Variants in GSK3B observed in about 807,000 individuals in gnomAD.
The protein encoded by GSK3B is glycogen synthase kinase-3 beta.
GSK3B carries 15 observed loss-of-function variants against 56.4 expected under a neutral mutation model. That is an observed-to-expected ratio of 0.27 (90% CI 0.18 to 0.41). The LOEUF (loss-of-function observed/expected upper bound fraction) is 0.41. Among genes scored for constraint, GSK3B ranks in the 10% least tolerant of loss-of-function variants. The pLI is 1.00. For synonymous variants in GSK3B, 181 were observed against 188.9 expected (o/e 0.96, Z 0.34); for missense variants, 300 against 513.4 (o/e 0.58, Z 4.02).
chr3:119,893,672 A>G (rs2056529404), intron 7 of GSK3B, among the ~76,000 whole-genome samples: 1 of 152,024 alleles, frequency 6.6e-6, no homozygotes, highest in South Asian at 2.1e-4. Flanking sequence ...ACTCTATTTC[A>G]TTCACTCTTT....
chr3:119,860,664 G>C (rs1420929157), intron 9 of GSK3B, among the ~76,000 whole-genome samples: 2 of 152,116 alleles, frequency 1.3e-5, no homozygotes, highest in African/African-American at 4.8e-5. Flanking sequence ...TTACTCAAGT[G>C]TTTAATCTTT....
intron 6 of GSK3B, among the ~76,000 whole-genome samples, chr3:119,908,939 G>C (rs1267526876): frequency 2.6e-5 from 4 of 152,166 alleles, no homozygotes; most frequent in East Asian, 1.9e-4. Flanking sequence ...TTCTGATTAG[G>C]GTGTTTGCTT....
chr3:119,827,863 T>C (rs969752062), intron 10 of GSK3B, among the ~76,000 whole-genome samples: 12 of 119,362 alleles, frequency 1.0e-4, no homozygotes, highest in Non-Finnish European at 1.5e-4. Context: ...GGATGGTTAA[T>C]GGGTACAAAA....
chr3:119,910,691 T>C (rs534588423), intron 6 of GSK3B, among the ~76,000 whole-genome samples: 2 of 152,312 alleles, frequency 1.3e-5, no homozygotes, highest in Admixed American at 1.3e-4. Flanking sequence ...TAGTAGGAGA[T>C]GCTCTTTGAT....
chr3:119,977,756 G>A (rs2057421095), intron 2 of GSK3B, among the ~76,000 whole-genome samples: 1 of 152,098 alleles, frequency 6.6e-6, no homozygotes. Flanking sequence ...CCAAATTTAA[G>A]AGAGTATAAA....
At chr3:119,940,374 TTTTC>T (rs942903283) in intron 3 of GSK3B, among the ~76,000 whole-genome samples, 4 of 151,950 alleles carry the variant, frequency 2.6e-5, no homozygotes, top group Non-Finnish European at 2.9e-5. Flanking sequence ...GTTCTTGGCC[TTTTC>T]TTTCTTTCTT....
intron 2 of GSK3B, among the ~76,000 whole-genome samples, chr3:119,947,607 T>C (rs1051399067): frequency 7.9e-5 from 12 of 152,214 alleles, no homozygotes; most frequent in South Asian, 6.2e-4. Context: ...AGAGAATAAA[T>C]TGATATCTAA....
At chr3:119,862,912 C>T (rs1232673878) in intron 9 of GSK3B, among the ~76,000 whole-genome samples, 1 of 152,128 alleles carries the variant, frequency 6.6e-6, no homozygotes, top group Non-Finnish European at 1.5e-5. Flanking sequence ...GTGCCAGTCT[C>T]AGAGGGGATG....
chr3:119,876,389 T>C (rs1358457488), intron 8 of GSK3B, 24 bp downstream of exon 8: 5 of 1,249,418 alleles, frequency 4.0e-6, no homozygotes, highest in African/African-American at 1.5e-5. Context: ...CTGATTAATA[T>C]ACTTAAAAAA....
At chr3:119,867,438 A>G (rs1263101647) in intron 8 of GSK3B, among the ~76,000 whole-genome samples, 1 of 152,142 alleles carries the variant, frequency 6.6e-6, no homozygotes, top group Non-Finnish European at 1.5e-5. Context: ...AATAGAGAAC[A>G]TTTTTTCCTC....
At chr3:119,981,383 C>G (rs557384931) in intron 2 of GSK3B, among the ~76,000 whole-genome samples, 2 of 152,340 alleles carry the variant, frequency 1.3e-5, no homozygotes, top group South Asian at 4.1e-4. Context: ...CAAGCTGAAG[C>G]AGGGTGGGGC....
chr3:120,031,168 T>C (rs2057972265), intron 1 of GSK3B, among the ~76,000 whole-genome samples: 3 of 152,200 alleles, frequency 2.0e-5, no homozygotes, highest in Admixed American at 1.3e-4. Context: ...TCAAAAAAGG[T>C]ATAAAATAAT....
chr3:120,008,971 T>A (rs1374736591), intron 1 of GSK3B, among the ~76,000 whole-genome samples: 1 of 152,014 alleles, frequency 6.6e-6, no homozygotes, highest in Non-Finnish European at 1.5e-5. Flanking sequence ...TACAAAGAAC[T>A]TACACAAATT....
At chr3:119,889,450 G>T (rs545085020) in intron 7 of GSK3B, among the ~76,000 whole-genome samples, 1 of 152,076 alleles carries the variant, frequency 6.6e-6, no homozygotes, top group Non-Finnish European at 1.5e-5. Flanking sequence ...ACTGTCACAC[G>T]GTTCTTGTTT....
At chr3:119,849,162 A>G (rs1205961614) in intron 9 of GSK3B, among the ~76,000 whole-genome samples, 1 of 152,192 alleles carries the variant, frequency 6.6e-6, no homozygotes, top group African/African-American at 2.4e-5. Flanking sequence ...CAGATTTACC[A>G]TTCTCAATTA....
At chr3:120,047,820 G>A (rs1335298460) in intron 1 of GSK3B, among the ~76,000 whole-genome samples, 1 of 152,188 alleles carries the variant, frequency 6.6e-6, no homozygotes, top group Non-Finnish European at 1.5e-5. Flanking sequence ...AAGGACACAT[G>A]AAAGCCTTCT....
At chr3:120,006,955 A>G (rs928930873) in intron 1 of GSK3B, among the ~76,000 whole-genome samples, 1 of 142,474 alleles carries the variant, frequency 7.0e-6, no homozygotes, top group East Asian at 2.0e-4. Flanking sequence ...AAAAACCTTC[A>G]AAAAAAAAAA....
At chr3:119,911,519 C>T (rs987136463) in intron 6 of GSK3B, among the ~76,000 whole-genome samples, 1 of 152,180 alleles carries the variant, frequency 6.6e-6, no homozygotes, top group South Asian at 2.1e-4. Context: ...GGCAATGACA[C>T]TTCTCCTCTC....
chr3:120,020,199 CATTA>C (rs1313033800), intron 1 of GSK3B, among the ~76,000 whole-genome samples: 2 of 152,066 alleles, frequency 1.3e-5, no homozygotes, highest in African/African-American at 4.8e-5. Flanking sequence ...CGAGTTTTGT[CATTA>C]ATTCCATTTC....
Sources: gnomAD v4.1 joint callset for allele counts (sites outside exome capture counted in the v4.1 genomes callset) on GRCh38, gnomAD v4.1.1 for gene constraint, MANE v1.5 for transcripts, NCBI Gene and HGNC (gene_info 2026-07-23, HGNC 2026-07-21) for gene names.